The following GULP1 variants were observed in gnomAD, a reference collection of about 807,000 sequenced individuals.
GULP1 encodes the protein PTB domain-containing engulfment adapter protein 1.
A neutral mutation model predicts 40.9 loss-of-function variants in GULP1; 19 were observed. The observed-to-expected ratio is 0.46, with a 90% CI of 0.32 to 0.68. GULP1 has a LOEUF of 0.68. Among genes scored for constraint, GULP1 ranks in the 30% least tolerant of loss-of-function variants. GULP1 has a pLI of 0.03. For synonymous variants in GULP1, 119 were observed against 117.6 expected, an observed-to-expected ratio of 1.01 and a Z score of -0.08; for missense variants, 312 against 362.2, an observed-to-expected ratio of 0.86 and a Z score of 1.12.
At chr2:188,488,195 A>C (rs2062027853) in intron 4 of GULP1, among the ~76,000 whole-genome samples, 1 of 152,030 alleles carries the variant, frequency 6.6e-6, no homozygotes, top group East Asian at 1.9e-4. Flanking sequence ...AGTAAGCTCT[A>C]TACCAACAAC....
chr2:188,533,994 A>G (rs978927566), intron 6 of GULP1, among the ~76,000 whole-genome samples: 3 of 152,132 alleles, frequency 2.0e-5, no homozygotes, highest in Non-Finnish European at 4.4e-5. Flanking sequence ...TGCTGGTGAG[A>G]TTGTGAAGAA....
chr2:188,490,987 G>A (rs1575575549), intron 4 of GULP1, among the ~76,000 whole-genome samples: 1 of 151,900 alleles, frequency 6.6e-6, no homozygotes, highest in African/African-American at 2.4e-5. Flanking sequence ...TGTAGAGATG[G>A]GGTTTCGCCA....
At chr2:188,396,625 A>G (rs912490948) in intron 2 of GULP1, among the ~76,000 whole-genome samples, 2 of 152,238 alleles carry the variant, frequency 1.3e-5, no homozygotes, top group Non-Finnish European at 1.5e-5. Flanking sequence ...TTCAGGCCAC[A>G]GCCGTCCCAG....
chr2:188,508,563 G>T lies in GULP1; in HGVS notation c.91-14193G>T, dbSNP rs185301368. ...ACAAAGAGTACTACACTCCTTTCCC[G>T]TACTCCACAATTGTCAGGACCCCAC... On this transcript the variant is annotated intron_variant, in intron 4 of 11. Coordinates refer to ENST00000409830, the MANE Select transcript of GULP1 (RefSeq NM_016315.4). Among the ~76,000 whole-genome samples the T allele has an allele frequency of 8.9e-4, 136 of 151,958 alleles. 1 individual carries two copies. Among genetic ancestry groups the T allele is most frequent in the Non-Finnish European group, 1.1e-3 (76 of 67,936 alleles).
At chr2:188,529,399 A>C (rs1290703566) in intron 6 of GULP1, among the ~76,000 whole-genome samples, 3 of 152,150 alleles carry the variant, frequency 2.0e-5, no homozygotes, top group Non-Finnish European at 4.4e-5. Flanking sequence ...TTTGGGATAT[A>C]ATATTAATAA....
At chr2:188,464,439 G>T (rs982836690) in intron 2 of GULP1, among the ~76,000 whole-genome samples, 2 of 152,172 alleles carry the variant, frequency 1.3e-5, no homozygotes. Flanking sequence ...CCCATAGCTT[G>T]CACTGGGTCA....
At chr2:188,423,293 T>C (rs951650419) in intron 2 of GULP1, among the ~76,000 whole-genome samples, 1 of 152,078 alleles carries the variant, frequency 6.6e-6, no homozygotes, top group African/African-American at 2.4e-5. Context: ...TTGAAAACAG[T>C]TGAATGTGTA....
At chr2:188,543,711 A>G (rs1309573015) in intron 7 of GULP1, among the ~76,000 whole-genome samples, 1 of 152,146 alleles carries the variant, frequency 6.6e-6, no homozygotes, top group Non-Finnish European at 1.5e-5. Context: ...TTACAAAGCT[A>G]AGTAGTCAGT....
intron 9 of GULP1, among the ~76,000 whole-genome samples, chr2:188,575,194 G>C (rs778772599): frequency 1.5e-4 from 23 of 152,142 alleles, no homozygotes; most frequent in Non-Finnish European, 2.5e-4. Context: ...CTGGGATTTT[G>C]AAATTGTTCT....
chr2:188,442,328 A>G (rs1187975139), intron 2 of GULP1, among the ~76,000 whole-genome samples: 2 of 152,220 alleles, frequency 1.3e-5, no homozygotes, highest in Non-Finnish European at 2.9e-5. Context: ...GTTAGGGCAC[A>G]TGAATCTTCA....
At chr2:188,523,009 A>G in intron 5 of GULP1, 182 bp downstream of exon 5, 1 of 488,042 alleles carries the variant, frequency 2.0e-6, no homozygotes, top group Non-Finnish European at 3.8e-6. Context: ...TGTACACAAA[A>G]TTGTGTTTAA....
chr2:188,363,311 T>G (rs1379629422), intron 1 of GULP1, among the ~76,000 whole-genome samples: 1 of 151,848 alleles, frequency 6.6e-6, no homozygotes, highest in Non-Finnish European at 1.5e-5. Flanking sequence ...TCTGTAGATG[T>G]TATGCAATAA....
At chr2:188,418,301 G>A (rs73040439) in intron 2 of GULP1, among the ~76,000 whole-genome samples, 10,204 of 151,948 alleles carry the variant, frequency 0.067, 1,150 homozygotes, top group African/African-American at 0.23. Context: ...TGTGCTTCAC[G>A]TGTTTCATGA....
In GULP1 at chr2:188,541,273, T is replaced by C; in HGVS notation, c.354T>C (p.Ser118=). Residue 118 remains serine, a synonymous_variant, in exon 7 of 12, where the codon TCT becomes TCC. Transcript: ENST00000409830. ...TATTCACTTTCATATGCAAAGATTC[T>C]GAGTCAAATAAACATTTGTGCTATG... ...KRIFTFICKD[S]ESNKHLCYVF... The C allele has an allele frequency of 6.2e-7, 1 of 1,611,986 alleles. No homozygotes were observed. The highest frequency in any genetic ancestry group is 8.5e-7 in the Non-Finnish European group (1 of 1,178,126).
intron 1 of GULP1, among the ~76,000 whole-genome samples, chr2:188,378,554 C>A (rs911741732): frequency 6.6e-6 from 1 of 152,188 alleles, no homozygotes; most frequent in African/African-American, 2.4e-5. Context: ...GTGCCACCAT[C>A]TGCTTCTGGT....
At chr2:188,355,547 A>C (rs2045172926) in intron 1 of GULP1, among the ~76,000 whole-genome samples, 1 of 152,008 alleles carries the variant, frequency 6.6e-6, no homozygotes. Flanking sequence ...GTCTCCCACC[A>C]AAGAAAATTC....
At chr2:188,419,874 G>A (rs1169931969) in intron 2 of GULP1, among the ~76,000 whole-genome samples, 1 of 152,112 alleles carries the variant, frequency 6.6e-6, no homozygotes, top group Non-Finnish European at 1.5e-5. Context: ...GTTGAGTTTA[G>A]TGTACGTTGT....
chr2:188,516,427 ATC>A (rs2065179763), intron 4 of GULP1, among the ~76,000 whole-genome samples: 1 of 151,336 alleles, frequency 6.6e-6, no homozygotes, highest in Admixed American at 6.6e-5. Context: ...TTTTTTTTCA[ATC>A]TCTAGTGCTT....
chr2:188,560,078 G>A (rs1046177952), intron 7 of GULP1, among the ~76,000 whole-genome samples: 8 of 152,124 alleles, frequency 5.3e-5, no homozygotes, highest in African/African-American at 1.4e-4. Flanking sequence ...CGTGAAAGTG[G>A]ACTAATACAG....
Sources: allele counts gnomAD v4.1 joint callset (sites outside exome capture counted in the v4.1 genomes callset), GRCh38; gene constraint gnomAD v4.1.1; transcripts MANE v1.5; gene names NCBI Gene and HGNC (gene_info 2026-07-23, HGNC 2026-07-21).